The following C2orf76 variants were observed in gnomAD, a reference collection of about 807,000 sequenced individuals.
C2orf76 encodes the protein UPF0538 protein C2orf76.
C2orf76 carries 23 observed loss-of-function variants against 16.9 expected under a neutral mutation model. The observed-to-expected ratio is 1.36, with a 90% CI of 0.98 to 1.93. The LOEUF (loss-of-function observed/expected upper bound fraction) is 1.93, where lower values mean the gene tolerates loss of function less well. C2orf76 is among the 30% of genes most tolerant of loss of function. C2orf76 has a pLI of 0.00. For missense variants in C2orf76, 152 were observed against 152.6 expected (o/e 1.00, Z 0.02); for synonymous variants, 48 against 52.3 (o/e 0.92, Z 0.35).
Position 119,324,490 on chromosome 2 carries a change from G to A in C2orf76, c.134-3286C>T, listed in dbSNP as rs553359312. Among the ~76,000 whole-genome samples, 51 of 152,198 alleles carry A rather than the reference G, an allele frequency of 3.4e-4. 1 individual carries two copies. In the South Asian group the frequency reaches 1.0e-2, roughly 30 times the overall value. On this transcript the variant is annotated intron_variant, in intron 2 of 5. Coordinates refer to ENST00000334816, the MANE Select transcript of C2orf76 (RefSeq NM_001322331.2). ...CCTCTCAAAACCTAGGACCATGTCC[G>A]GCCCATAACAAATTATCACAAACTG...
At chr2:119,355,993 G>C (rs778838727) in intron 1 of C2orf76, among the ~76,000 whole-genome samples, 1 of 152,112 alleles carries the variant, frequency 6.6e-6, no homozygotes, top group Non-Finnish European at 1.5e-5. Flanking sequence ...TGTGTTCTCT[G>C]ACCACAGTGG....
intron 2 of C2orf76, 81 bp downstream of exon 2, chr2:119,339,746 T>C: frequency 7.1e-7 from 1 of 1,401,466 alleles, no homozygotes; most frequent in South Asian, 1.3e-5. Flanking sequence ...ACTTTAGGAT[T>C]TGTTAAAGAT....
intron 1 of C2orf76, among the ~76,000 whole-genome samples, chr2:119,346,300 A>G (rs1213443624): frequency 2.6e-5 from 4 of 152,166 alleles, no homozygotes; most frequent in Non-Finnish European, 5.9e-5. Flanking sequence ...CATGCTAGAG[A>G]AACAAAAAGT....
At chr2:119,298,502 A>G (rs1357767018), downstream of C2orf76, among the ~76,000 whole-genome samples, 1 of 152,042 alleles carries the variant, frequency 6.6e-6, no homozygotes, top group Non-Finnish European at 1.5e-5. Flanking sequence ...GACATCTAGT[A>G]GGCAACCACC....
intron 2 of C2orf76, among the ~76,000 whole-genome samples, 153 bp downstream of exon 2, chr2:119,339,674 C>G (rs1558790300): frequency 6.6e-6 from 1 of 152,132 alleles, no homozygotes; most frequent in Non-Finnish European, 1.5e-5. Flanking sequence ...CTGCAGATGC[C>G]AGGGCCCAGA....
In C2orf76 at chr2:119,338,264, A is replaced by T. The variant is rs752962197; in HGVS notation, c.133+1563T>A. 2.6e-5 allele frequency among the ~76,000 whole-genome samples: 4 copies of T among 152,188 alleles called. No homozygotes were observed. In the East Asian group the frequency reaches 7.7e-4, roughly 29 times the overall value. On this transcript the variant is annotated intron_variant, in intron 2 of 5. Coordinates refer to ENST00000334816, the MANE Select transcript of C2orf76 (RefSeq NM_001322331.2). Reference sequence around the variant, plus strand: ...CCGTTTGCCTAAAATCAGGACATATAATAGATTTACAAAGAGAAAAGGTAT... The same window carrying T: ...CCGTTTGCCTAAAATCAGGACATATTATAGATTTACAAAGAGAAAAGGTAT...
At chr2:119,286,892 G>C in the C2orf76 span, among the ~76,000 whole-genome samples, 3 of 152,126 alleles carry the variant, frequency 2.0e-5, no homozygotes, top group African/African-American at 4.8e-5. Context: ...CTGTTGAGGA[G>C]GTATCAGCAA....
chr2:119,313,545 G>A (rs1679066082), intron 4 of C2orf76, among the ~76,000 whole-genome samples: 1 of 152,032 alleles, frequency 6.6e-6, no homozygotes, highest in Non-Finnish European at 1.5e-5. Flanking sequence ...GCAGTGAGCT[G>A]TGTTCATGCC....
chr2:119,334,987 G>A (rs1679801972), intron 2 of C2orf76, among the ~76,000 whole-genome samples: 1 of 152,124 alleles, frequency 6.6e-6, no homozygotes, highest in South Asian at 2.1e-4. Context: ...TTAAATAAAT[G>A]GATAGCAGAT....
At chr2:119,287,856 C>G in the C2orf76 span, among the ~76,000 whole-genome samples, 1 of 152,178 alleles carries the variant, frequency 6.6e-6, no homozygotes, top group African/African-American at 2.4e-5. Context: ...TAGAGTTGGT[C>G]TTCAGTTAGT....
At chr2:119,329,556 T>C (rs1194822591) in intron 2 of C2orf76, among the ~76,000 whole-genome samples, 2 of 152,212 alleles carry the variant, frequency 1.3e-5, no homozygotes, top group African/African-American at 4.8e-5. Context: ...ATTTCCTCTT[T>C]TTCTATCTTC....
At chr2:119,346,569 A>AATT (rs1680208735) in intron 1 of C2orf76, among the ~76,000 whole-genome samples, 1 of 152,254 alleles carries the variant, frequency 6.6e-6, no homozygotes, top group Non-Finnish European at 1.5e-5. Context: ...TTCCATTTTT[A>AATT]TGTCATTCTT....
At chr2:119,315,996 T>C (rs576953583) in intron 4 of C2orf76, among the ~76,000 whole-genome samples, 3 of 152,338 alleles carry the variant, frequency 2.0e-5, no homozygotes, top group Non-Finnish European at 4.4e-5. Flanking sequence ...CATGAGCATA[T>C]GAAAAGCCAA....
intron 3 of C2orf76, among the ~76,000 whole-genome samples, chr2:119,319,461 G>T (rs1397497733): frequency 1.3e-5 from 2 of 152,088 alleles, no homozygotes; most frequent in African/African-American, 4.8e-5. Context: ...ATACCTGTGG[G>T]CATTGTTTTC....
rs1053362867 is a variant in C2orf76 at position 119,344,614 on chromosome 2, T to C, written c.-12-4643A>G. On this transcript the variant is annotated intron_variant, in intron 1 of 5. Coordinates refer to ENST00000334816, the MANE Select transcript of C2orf76 (RefSeq NM_001322331.2). Reference sequence around the variant, plus strand: ...GACACAAACAATTCTAAAATCCATCTAGAAGAATCTGTGAGCTTTGTCAGC... The same window carrying C: ...GACACAAACAATTCTAAAATCCATCCAGAAGAATCTGTGAGCTTTGTCAGC... Among the ~76,000 whole-genome samples, 199 of 152,264 alleles carry C rather than the reference T, an allele frequency of 1.3e-3. 1 individual carries two copies. The highest frequency in any genetic ancestry group is 4.6e-3 in the African/African-American group (193 of 41,566).
chr2:119,328,776 T>C (rs1679587270), intron 2 of C2orf76, among the ~76,000 whole-genome samples: 1 of 152,210 alleles, frequency 6.6e-6, no homozygotes, highest in African/African-American at 2.4e-5. Context: ...CCACAAAATT[T>C]GAAAAGTTGT....
chr2:119,329,905 C>G (rs1362836786), intron 2 of C2orf76, among the ~76,000 whole-genome samples: 1 of 151,884 alleles, frequency 6.6e-6, no homozygotes, highest in Non-Finnish European at 1.5e-5. Flanking sequence ...TTACCATTTC[C>G]AGTACTCTCT....
chr2:119,367,099 G>A (rs754949295), upstream of C2orf76: 3 of 1,612,832 alleles, frequency 1.9e-6, no homozygotes, highest in South Asian at 1.1e-5. Flanking sequence ...AGGTGCAGCG[G>A]GCGGGAGGCC....
At chr2:119,311,839 G>A (rs1300197555) in intron 4 of C2orf76, 136 bp from the exon 5 acceptor site, 1 of 807,946 alleles carries the variant, frequency 1.2e-6, no homozygotes, top group Admixed American at 2.8e-5. Context: ...GCCGTAATGA[G>A]GGCAGTGAAC....
Sources: allele counts gnomAD v4.1 joint callset (sites outside exome capture counted in the v4.1 genomes callset), GRCh38; gene constraint gnomAD v4.1.1; transcripts MANE v1.5; gene names NCBI Gene and HGNC (gene_info 2026-07-23, HGNC 2026-07-21).